Variants in RTN4IP1 observed in about 807,000 individuals in gnomAD.
RTN4IP1 encodes the protein NAD(P)H oxidoreductase RTN4IP1, mitochondrial.
In RTN4IP1, 32 loss-of-function variants were observed where a neutral mutation model predicts 46.6. The observed-to-expected ratio is 0.69, with a 90% confidence interval of 0.52 to 0.92. The LOEUF (loss-of-function observed/expected upper bound fraction) is 0.92, where lower values mean the gene tolerates loss of function less well. RTN4IP1 is among the 40% of genes least tolerant of loss of function. RTN4IP1 has a pLI of 0.00. For synonymous variants in RTN4IP1, 167 were observed against 161.8 expected (o/e 1.03, Z -0.24); for missense variants, 424 against 485.8 (o/e 0.87, Z 1.20).
chr6:106,596,494 G>T (rs1011833486), intron 5 of RTN4IP1, among the ~76,000 whole-genome samples: 4 of 152,134 alleles, frequency 2.6e-5, no homozygotes, highest in African/African-American at 7.2e-5. Flanking sequence ...TGGGGTGAGA[G>T]GATCATTGAG....
intron 4 of RTN4IP1, among the ~76,000 whole-genome samples, chr6:106,605,324 G>A (rs747527034): frequency 6.6e-6 from 1 of 151,654 alleles, no homozygotes; most frequent in Non-Finnish European, 1.5e-5. Context: ...GTCCCAGGAG[G>A]CTGAGGCATG....
intron 4 of RTN4IP1, among the ~76,000 whole-genome samples, chr6:106,613,687 G>T (rs1210642474): frequency 6.6e-6 from 1 of 152,130 alleles, no homozygotes; most frequent in African/African-American, 2.4e-5. Flanking sequence ...TGAAAATCTA[G>T]TTCTGCTCAT....
chr6:106,595,846 A>G (rs565412986), intron 5 of RTN4IP1, among the ~76,000 whole-genome samples: 2 of 152,256 alleles, frequency 1.3e-5, no homozygotes, highest in East Asian at 3.9e-4. Context: ...TGCCCCTCAC[A>G]TATTATTTTG....
chr6:106,625,954 C>G (rs1037251201), intron 1 of RTN4IP1, among the ~76,000 whole-genome samples: 2 of 151,968 alleles, frequency 1.3e-5, no homozygotes, highest in African/African-American at 2.4e-5. Flanking sequence ...CTGTGCCCAG[C>G]CTTTTCCTTC....
intron 4 of RTN4IP1, among the ~76,000 whole-genome samples, chr6:106,608,488 T>G (rs1023819092): frequency 1.3e-5 from 2 of 152,218 alleles, no homozygotes; most frequent in African/African-American, 2.4e-5. Context: ...GAGAGGATTT[T>G]TAATGTTCCC....
At chr6:106,613,115 ACT>A (rs908474795) in intron 4 of RTN4IP1, among the ~76,000 whole-genome samples, 1 of 151,860 alleles carries the variant, frequency 6.6e-6, no homozygotes, top group Non-Finnish European at 1.5e-5. Context: ...GTCTTTTTTC[ACT>A]CTTACTCATC....
rs1299480251 is a variant in RTN4IP1, at chr6:106,571,920, G to C, written c.*76C>G. On this transcript the variant is annotated 3_prime_UTR_variant, in exon 9 of 9. Transcript: ENST00000369063. The stretch of plus-strand genomic sequence containing the variant: ...CTAATCTGGAAAAATGTTTGAAAGG[G>C]ATGGCTAGAAAAAAATTTGGGCTCA... The C allele has an allele frequency of 6.7e-6, 6 of 899,022 alleles. No homozygotes were observed. Among genetic ancestry groups the C allele is most frequent in the Non-Finnish European group, 1.1e-5 (6 of 546,500 alleles). 55.7% of individuals were successfully genotyped at this position (899,022 alleles called of 1,614,324 possible). A position where few individuals can be genotyped will look rare whatever the true frequency, so the allele number is the denominator to read the frequency against.
Position 106,571,993 on chromosome 6 carries a change from T to C in RTN4IP1, c.*3A>G, listed in dbSNP as rs370232767. On this transcript the variant is annotated 3_prime_UTR_variant, in exon 9 of 9. Transcript: ENST00000369063. ...GTCAACAATCACTAAACTGCATTTT[T>C]ATTTAAACAACATTAATTACAGTCT... 1.9e-6 allele frequency: 3 copies of C among 1,608,370 alleles called. No homozygotes were observed. Among genetic ancestry groups the C allele is most frequent in the African/African-American group, 2.7e-5 (2 of 74,770 alleles).
intron 6 of RTN4IP1, among the ~76,000 whole-genome samples, chr6:106,591,453 T>C (rs1775661197): frequency 6.6e-6 from 1 of 152,192 alleles, no homozygotes; most frequent in African/African-American, 2.4e-5. Context: ...TTTAAAAATA[T>C]ACTTCTACTC....
Position 106,622,354 on chromosome 6 carries a change from T to A in RTN4IP1, c.426+464A>T, listed in dbSNP as rs73508256. On this transcript the variant is annotated intron_variant, in intron 2 of 8. Coordinates refer to ENST00000369063, the MANE Select transcript of RTN4IP1 (RefSeq NM_032730.5). ...AAATTATAAAGATAGTTATAGGAAG[T>A]AGACACAAACCTACTTGGAAGGCCG... is the stretch of plus-strand genomic sequence containing the variant. Among the ~76,000 whole-genome samples, 442 of 152,374 alleles carry A rather than the reference T, an allele frequency of 2.9e-3. 3 individuals are homozygous for A. Among genetic ancestry groups the A allele is most frequent in the African/African-American group, 0.01 (430 of 41,588 alleles).
intron 4 of RTN4IP1, among the ~76,000 whole-genome samples, chr6:106,611,048 C>CAAA (rs367661239): frequency 1.5e-5 from 2 of 131,040 alleles, no homozygotes; most frequent in East Asian, 2.1e-4. Flanking sequence ...AGCTGCCTTA[C>CAAA]AAAAAAAAAA....
In RTN4IP1 at chr6:106,621,502, C is replaced by T. The variant is rs781259084; in HGVS notation, c.427-9G>A. 2.5e-6 allele frequency: 4 copies of T among 1,612,430 alleles called. No individual in the cohort carries two copies. The highest frequency in any genetic ancestry group is 3.4e-6 in the Non-Finnish European group (4 of 1,178,736). On this transcript the variant is annotated splice_polypyrimidine_tract_variant and intron_variant, in intron 2 of 8. Coordinates refer to ENST00000369063, the MANE Select transcript of RTN4IP1 (RefSeq NM_032730.5). ...GGAACTGCAGCCCAGACCTGAAACA[C>T]ACACAGACAGACAGCTTCATTAGAA...
chr6:106,590,301 T>C (rs1049045198), intron 6 of RTN4IP1, among the ~76,000 whole-genome samples: 1 of 151,212 alleles, frequency 6.6e-6, no homozygotes, highest in Non-Finnish European at 1.5e-5. Flanking sequence ...GGCAACAGAG[T>C]GAGACTTCAT....
At chr6:106,609,434 T>TGG (rs999107669) in intron 4 of RTN4IP1, among the ~76,000 whole-genome samples, 7 of 151,872 alleles carry the variant, frequency 4.6e-5, no homozygotes, top group Non-Finnish European at 8.8e-5. Context: ...GGTGCTGAGG[T>TGG]GGAAGGATGG....
intron 4 of RTN4IP1, among the ~76,000 whole-genome samples, chr6:106,608,404 G>C (rs1776139543): frequency 6.6e-6 from 1 of 152,096 alleles, no homozygotes; most frequent in African/African-American, 2.4e-5. Flanking sequence ...GGAAGAATAA[G>C]TTCTAGTACT....
chr6:106,626,898 G>T (rs1776663797), intron 1 of RTN4IP1, among the ~76,000 whole-genome samples: 1 of 152,088 alleles, frequency 6.6e-6, no homozygotes, highest in African/African-American at 2.4e-5. Flanking sequence ...TTTTCCCCAT[G>T]TAAAAATTCT....
At chr6:106,576,547 G>A (rs1775232229) in intron 8 of RTN4IP1, among the ~76,000 whole-genome samples, 1 of 152,162 alleles carries the variant, frequency 6.6e-6, no homozygotes, top group Admixed American at 6.5e-5. Context: ...GCAAAATCCA[G>A]TGGCAATAAA....
chr6:106,592,148 T>C lies in RTN4IP1; in HGVS notation c.806+16A>G, dbSNP rs372173101. The C allele has an allele frequency of 7.0e-5, 112 of 1,610,544 alleles. No individual in the cohort carries two copies. The highest frequency in any genetic ancestry group is 3.1e-4 in the East Asian group (14 of 44,784). On this transcript the variant is annotated intron_variant, in intron 6 of 8. Coordinates refer to ENST00000369063, the MANE Select transcript of RTN4IP1 (RefSeq NM_032730.5). ...CTTGTTCCCACTCCCAGTGTGAACA[T>C]TGTTCTAATACATACGGTTTTAAGG...
At chr6:106,602,982 G>A (rs181956492) in intron 4 of RTN4IP1, 60 bp from the exon 5 acceptor site, 21 of 1,237,844 alleles carry the variant, frequency 1.7e-5, no homozygotes, top group Non-Finnish European at 1.8e-5. Context: ...CTGGATAAAC[G>A]TTTTCAACAA....
Sources: gnomAD v4.1 joint callset for allele counts (sites outside exome capture counted in the v4.1 genomes callset) on GRCh38, gnomAD v4.1.1 for gene constraint, MANE v1.5 for transcripts, NCBI Gene and HGNC (gene_info 2026-07-23, HGNC 2026-07-21) for gene names.